SMG1: variants seen among roughly 807,000 people sequenced by gnomAD.
SMG1 encodes SMG1 nonsense mediated mRNA decay associated PI3K related kinase, also known as serine/threonine-protein kinase SMG1.
In SMG1, 22 loss-of-function variants were observed where a neutral mutation model predicts 419.9. That is an observed-to-expected ratio of 0.05 (90% CI 0.04 to 0.07). SMG1 has a LOEUF of 0.07. Ranked by LOEUF, SMG1 falls within the 10% of genes least tolerant of loss-of-function variation. The probability of loss-of-function intolerance (pLI) is 1.00; values close to 1 mark genes in which losing one functional copy is unlikely to be tolerated. For missense variants in SMG1, 3,185 were observed against 4,342.0 expected (o/e 0.73, Z 7.49); for synonymous variants, 1,538 against 1,553.5 (o/e 0.99, Z 0.23).
rs554138440 is a variant in SMG1, at chr16:18,853,646, T to C, written c.4705A>G (p.Ile1569Val). 14 of 1,611,336 alleles carry C rather than the reference T, an allele frequency of 8.7e-6. No homozygotes were observed. The highest frequency in any genetic ancestry group is 1.6e-4 in the Middle Eastern group (1 of 6,080). ...STLSKNILTL[I>V]ELPSVNTMEE... ...ATCGTATTAACAGATGGCAGTTCTA[T>C]TAGAGTGAGTATGTTTTTAGACAAA... Residue 1569 changes from isoleucine to valine, a missense_variant, in exon 31 of 63, where the codon ATA becomes GTA. Ile to Val is a conservative substitution (Grantham distance 29, BLOSUM62 3). Transcript: ENST00000446231.
intron 56 of SMG1, among the ~76,000 whole-genome samples, chr16:18,818,970 C>A (rs1596465677): frequency 6.6e-6 from 1 of 152,220 alleles, no homozygotes; most frequent in East Asian, 1.9e-4. Context: ...GTACCCACCA[C>A]CACACCCAGC....
At chr16:18,893,495 C>A (rs952418957) in intron 3 of SMG1, among the ~76,000 whole-genome samples, 2 of 152,130 alleles carry the variant, frequency 1.3e-5, no homozygotes, top group African/African-American at 4.8e-5. Flanking sequence ...CATAGTGGCA[C>A]ATGCCTGTAA....
chr16:18,835,123 C>T lies in SMG1; in HGVS notation c.8099G>A (p.Cys2700Tyr), dbSNP rs1170454238. The T allele has an allele frequency of 1.9e-6, 3 of 1,613,620 alleles. No individual in the cohort carries two copies. The highest frequency in any genetic ancestry group is 1.7e-6 in the Non-Finnish European group (2 of 1,179,688). ...CATTTCAGTGGCAGTGATGAACTGA[C>T]ACACTGTTGGGGGTGGCTGGGGAGC... The part of the protein sequence containing the change: ...QYAPQPPPTV[C>Y]QFITATEMTL... The change falls in exon 49 of 63, where the codon TGT (cysteine) becomes TAT (tyrosine). Residue 2700 changes from cysteine (C) to tyrosine (Y), a missense_variant. Physicochemically the swap from Cys to Tyr is radical, Grantham distance 194. Transcript: ENST00000446231.
chr16:18,867,978 G>A (rs1372651772), intron 22 of SMG1, among the ~76,000 whole-genome samples: 1 of 152,070 alleles, frequency 6.6e-6, no homozygotes, highest in Non-Finnish European at 1.5e-5. Flanking sequence ...AAAGTGCTGG[G>A]ATTACAGGCG....
intron 1 of SMG1, among the ~76,000 whole-genome samples, chr16:18,914,353 T>C (rs2037894558): frequency 6.6e-6 from 1 of 152,002 alleles, no homozygotes; most frequent in Non-Finnish European, 1.5e-5. Flanking sequence ...AAAATTAATA[T>C]GAAAGAAGTA....
intron 1 of SMG1, among the ~76,000 whole-genome samples, chr16:18,907,828 G>C (rs1180307456): frequency 7.9e-6 from 1 of 127,056 alleles, no homozygotes; most frequent in Non-Finnish European, 1.6e-5. Flanking sequence ...TTCCCACCTA[G>C]GCGACAGAAC....
chr16:18,882,115 T>C (rs572023086), intron 10 of SMG1, 50 bp downstream of exon 10: 5 of 1,367,668 alleles, frequency 3.7e-6, no homozygotes, highest in African/African-American at 1.5e-5. Flanking sequence ...ATTTACAGTG[T>C]AAAACAATTT....
At chr16:18,911,007 C>G (rs1004033549) in intron 1 of SMG1, among the ~76,000 whole-genome samples, 2 of 152,098 alleles carry the variant, frequency 1.3e-5, no homozygotes, top group African/African-American at 2.4e-5. Flanking sequence ...TATATACATT[C>G]CATTTACATT....
chr16:18,877,321 G>T, intron 11 of SMG1, 89 bp from the exon 12 acceptor site: 1 of 975,670 alleles, frequency 1.0e-6, no homozygotes, highest in Non-Finnish European at 1.5e-6. Flanking sequence ...AGTGAAAGAA[G>T]CCAATTGAAA....
chr16:18,833,329 ATTTTC>A (rs984458210), intron 50 of SMG1, among the ~76,000 whole-genome samples, 163 bp from the exon 51 acceptor site: 4 of 152,184 alleles, frequency 2.6e-5, no homozygotes, highest in African/African-American at 9.6e-5. Flanking sequence ...ACTTTTAAAT[ATTTTC>A]TTTTCAAATT....
At position 18,848,389 on chromosome 16, in the gene SMG1, C is replaced by T. The variant is rs201098242; in HGVS notation, c.5624-356G>A. On this transcript the variant is annotated intron_variant, in intron 36 of 62. Coordinates refer to ENST00000446231, the MANE Select transcript of SMG1 (RefSeq NM_015092.5). ...TTGGAGTACAGTGGCACAATCTCGG[C>T]TCACTGCAACCTGTCTCCTGGGTTC... Among the ~76,000 whole-genome samples the T allele has an allele frequency of 3.3e-4, 50 of 151,094 alleles. 1 individual carries two copies. The East Asian group carries it at 9.6e-3, about 29-fold the overall frequency.
intron 6 of SMG1, among the ~76,000 whole-genome samples, chr16:18,887,191 A>T (rs1291516178): frequency 5.9e-5 from 9 of 152,172 alleles, no homozygotes; most frequent in Admixed American, 5.9e-4. Context: ...TGGTGCATCT[A>T]TCTTTCTATG....
chr16:18,835,990 C>A lies in SMG1; in HGVS notation c.8000G>T (p.Trp2667Leu), dbSNP rs758782171. The change falls in exon 48 of 63, where the codon TGG (tryptophan) becomes TTG (leucine). Residue 2667 changes from tryptophan (W) to leucine (L), a missense_variant. Around this residue, in one of 27 missense-constraint regions of SMG1, gnomAD observed 412 missense variants for 546.6 expected, o/e 0.75. Transcript: ENST00000446231. Reference protein sequence around the residue: ...QKHRIEQWKTWMEELICNTTV... With the variant: ...QKHRIEQWKTLMEELICNTTV... ...GGTGTTACAGATGAGCTCTTCCATC[C>A]AGGTCTTCCACTGTTCAATTCGATG... The A allele has an allele frequency of 6.4e-7, 1 of 1,555,934 alleles. No individual in the cohort carries two copies.
Position 18,838,091 on chromosome 16 carries a change from C to T in SMG1, c.7336G>A (p.Glu2446Lys), listed in dbSNP as rs1403871683. 3 of 1,613,882 alleles carry T rather than the reference C, an allele frequency of 1.9e-6. No individual in the cohort carries two copies. The highest frequency in any genetic ancestry group is 1.3e-5 in the African/African-American group (1 of 74,928). The part of the protein sequence containing the change: ...AVYGGGGQQA[E>K]SKQSKREMER... ...ATCTCTCTCTTGCTCTGCTTGCTCTCGGCCTGCTGGCCACCTCCACCATAG... is the reference window on the plus strand; with the variant it reads ...ATCTCTCTCTTGCTCTGCTTGCTCTTGGCCTGCTGGCCACCTCCACCATAG... Residue 2446 changes from glutamate (E) to lysine (K), a missense_variant, in exon 45 of 63, where the codon GAG (glutamate) becomes AAG (lysine). By Grantham distance (56) the Glu-to-Lys change is moderately conservative. Around this residue, in one of 27 missense-constraint regions of SMG1, gnomAD observed 412 missense variants for 546.6 expected, o/e 0.75. Transcript: ENST00000446231.
chr16:18,815,197 A>T lies in SMG1; in HGVS notation c.10599T>A (p.Thr3533=). 1.0e-5 allele frequency: 16 copies of T among 1,593,350 alleles called. No homozygotes were observed. Among genetic ancestry groups the T allele is most frequent in the Non-Finnish European group, 1.3e-5 (15 of 1,169,172 alleles). The change falls in exon 60 of 63, where the codon ACT becomes ACA. Residue 3533 remains threonine, a synonymous_variant. Transcript: ENST00000446231. ...NECSSPTSSA[T]YQPSFAAAVR... ...TACCTGCAGCGAAGGATGGCTGATA[A>T]GTAGCAGATGACGTTGGACTCGAAC...
chr16:18,847,160 A>T (rs1049779727), intron 38 of SMG1, among the ~76,000 whole-genome samples: 1 of 152,330 alleles, frequency 6.6e-6, no homozygotes, highest in South Asian at 2.1e-4. Flanking sequence ...TACTTCTATG[A>T]GGTAGCTAAA....
intron 54 of SMG1, 46 bp from the exon 55 acceptor site, chr16:18,828,214 G>C: frequency 6.3e-7 from 1 of 1,587,106 alleles, no homozygotes; most frequent in East Asian, 2.2e-5. Context: ...GGAAAAAAGC[G>C]TTTAGATAAA....
rs78496654 is a variant in SMG1, at chr16:18,810,641, A to T, written c.10909-995T>A. On this transcript the variant is annotated intron_variant, in intron 62 of 62. Transcript: ENST00000446231. ...ATGATGATCCTTGACTAGATCTTGA[A>T]GGTCGGAGGAACAGGGGGTTCAGAG... Among the ~76,000 whole-genome samples the T allele has an allele frequency of 4.7e-3, 712 of 152,330 alleles. 9 individuals are homozygous for T. The highest frequency in any genetic ancestry group is 0.017 in the African/African-American group (687 of 41,578).
chr16:18,883,606 A>G (rs1478129099), intron 9 of SMG1, among the ~76,000 whole-genome samples: 1 of 152,250 alleles, frequency 6.6e-6, no homozygotes, highest in Non-Finnish European at 1.5e-5. Flanking sequence ...CTGGTAACTT[A>G]AACACATCTG....
Sources: allele counts gnomAD v4.1 joint callset (sites outside exome capture counted in the v4.1 genomes callset), GRCh38; gene constraint gnomAD v4.1.1; regional missense constraint gnomAD v4.1.1; transcripts MANE v1.5; gene names NCBI Gene and HGNC (gene_info 2026-07-23, HGNC 2026-07-21).